PFKFB2: variants seen among roughly 807,000 people sequenced by gnomAD.
The protein encoded by PFKFB2 is 6-phosphofructo-2-kinase/fructose-2,6-biphosphatase 2, also known as 6-phosphofructo-2-kinase/fructose-2,6-bisphosphatase 2.
In PFKFB2, 53 loss-of-function variants were observed where a neutral mutation model predicts 68.0. The observed-to-expected ratio is 0.78, with a 90% confidence interval of 0.63 to 0.98. The LOEUF (loss-of-function observed/expected upper bound fraction) is 0.98, where lower values mean the gene tolerates loss of function less well. PFKFB2 is among the 50% of genes least tolerant of loss of function. The pLI is 0.00. For synonymous variants in PFKFB2, 222 were observed against 227.6 expected (o/e 0.98, Z 0.22); for missense variants, 451 against 642.0 (o/e 0.70, Z 3.22).
chr1:207,077,434 A>C lies in PFKFB2; in HGVS notation c.*5063A>C. The stretch of plus-strand genomic sequence containing the variant: ...CAATGTTTTTGTATCTGAATTGCTT[A>C]TGTACGTTTTTTATTATATTGACCT... On this transcript the variant is annotated 3_prime_UTR_variant, in exon 15 of 15. Transcript: ENST00000367080. 2.0e-6 allele frequency: 2 copies of C among 985,302 alleles called. No homozygotes were observed. The highest frequency in any genetic ancestry group is 2.4e-6 in the Non-Finnish European group (2 of 829,828). The allele number at this position is 985,302 out of a possible 1,614,324, so 61.0% of individuals were successfully genotyped here.
Position 207,065,059 on chromosome 1 carries a change from C to T in PFKFB2, c.531C>T (p.Asp177=). The T allele has an allele frequency of 6.2e-7, 1 of 1,614,042 alleles. No homozygotes were observed. The highest frequency in any genetic ancestry group is 8.5e-7 in the Non-Finnish European group (1 of 1,179,980). Residue 177 remains aspartate, a synonymous_variant, in exon 8 of 15, where the codon GAC becomes GAT. Transcript: ENST00000367080. ...NILEVKVSSP[D]YPERNRENVM... ...AGGAGGTTAAGGTATCAAGCCCTGA[C>T]TATCCTGAAAGGAACAGAGAGAACG...
upstream of PFKFB2, chr1:207,050,637 C>T (rs1301506054): frequency 6.2e-7 from 1 of 1,603,476 alleles, no homozygotes; most frequent in South Asian, 1.1e-5. Context: ...CTCTCTCACG[C>T]CCCTCTCCAT....
chr1:207,068,042 T>C, intron 9 of PFKFB2, 121 bp from the exon 10 acceptor site: 1 of 847,506 alleles, frequency 1.2e-6, no homozygotes, highest in Non-Finnish European at 1.8e-6. Context: ...ACCATGGTTA[T>C]GCACGTTGTC....
At chr1:207,060,090 A>G (rs888943278) in intron 2 of PFKFB2, among the ~76,000 whole-genome samples, 1 of 152,182 alleles carries the variant, frequency 6.6e-6, no homozygotes, top group Admixed American at 6.5e-5. Flanking sequence ...AGTGGCTGGC[A>G]GCAGTTCAGG....
chr1:207,063,489 A>G lies in PFKFB2; in HGVS notation c.450+68A>G. On this transcript the variant is annotated intron_variant, in intron 6 of 14. Transcript: ENST00000367080. This position sits in a 1 kb window ranked among gnomAD's most constrained non-coding sequence, Gnocchi z 4.1. ...GTGGGGAGTCAGGCTACAGGCATGG[A>G]TCTCTCACTCTAGTGGGTGAGGACA... The G allele has an allele frequency of 1.9e-6, 2 of 1,048,112 alleles. No individual in the cohort carries two copies. The highest frequency in any genetic ancestry group is 2.9e-6 in the Non-Finnish European group (2 of 678,084). 64.9% of individuals were successfully genotyped at this position (1,048,112 alleles called of 1,614,324 possible). A position where few individuals can be genotyped will look rare whatever the true frequency, so the allele number is the denominator to read the frequency against.
At position 207,073,599 on chromosome 1, in the gene PFKFB2, G is replaced by C; in HGVS notation, c.*1228G>C. ...ATGATGAATTTAATCTCTCTCATTG[G>C]AGTATTCTTTTGTTCATAAAGAGAA... On this transcript the variant is annotated 3_prime_UTR_variant, in exon 15 of 15. Transcript: ENST00000367080. The C allele has an allele frequency of 3.0e-6, 3 of 985,146 alleles. No homozygotes were observed. Among genetic ancestry groups the C allele is most frequent in the Non-Finnish European group, 3.6e-6 (3 of 829,702 alleles). The allele number at this position is 985,146 out of a possible 1,614,324, so 61.0% of individuals were successfully genotyped here. A position where few individuals can be genotyped will look rare whatever the true frequency, so the allele number is the denominator to read the frequency against.
chr1:207,063,695 G>T lies in PFKFB2; in HGVS notation c.451-78G>T. On this transcript the variant is annotated intron_variant, in intron 6 of 14. Transcript: ENST00000367080. The surrounding 1 kb of genome is among the most constrained non-coding windows in gnomAD (Gnocchi z 4.1). ...ATCCTGGGAGATGTGGTGGCTGGGT[G>T]GGGTAGATGAGCATGTGCTCTTAAT... 1 of 1,159,950 alleles carries T rather than the reference G, an allele frequency of 8.6e-7. No homozygotes were observed. The highest frequency in any genetic ancestry group is 1.3e-6 in the Non-Finnish European group (1 of 766,238). 71.9% of individuals were successfully genotyped at this position (1,159,950 alleles called of 1,614,324 possible).
Position 207,074,623 on chromosome 1 carries a change from G to C in PFKFB2, c.*2252G>C, listed in dbSNP as rs201729561. 7.1e-6 allele frequency: 7 copies of C among 985,378 alleles called. No individual in the cohort carries two copies. In the East Asian group the frequency reaches 7.9e-4, roughly 112 times the overall value. 61.0% of individuals were successfully genotyped at this position (985,378 alleles called of 1,614,324 possible). ...CTCAAAATTGTGTCCAAGATGTTAA[G>C]TAACCTGCTATTCCTGTTTAGTGGT... On this transcript the variant is annotated 3_prime_UTR_variant, in exon 15 of 15. Coordinates refer to ENST00000367080, the MANE Select transcript of PFKFB2 (RefSeq NM_006212.2).
At chr1:207,078,843 A>T, downstream of PFKFB2, 2 of 823,030 alleles carry the variant, frequency 2.4e-6, no homozygotes, top group East Asian at 4.9e-5. Flanking sequence ...GGATGTGGGG[A>T]TGGGGAGGTT....
chr1:207,078,851 G>T (rs1254743148), downstream of PFKFB2: 4 of 926,190 alleles, frequency 4.3e-6, no homozygotes, highest in African/African-American at 3.2e-5. Flanking sequence ...GGATGGGGAG[G>T]TTGAGGGAGG....
upstream of PFKFB2, chr1:207,051,032 G>A (rs1164720952): frequency 1.3e-6 from 2 of 1,498,912 alleles, no homozygotes; most frequent in Admixed American, 4.6e-5. Flanking sequence ...GCCAAACATC[G>A]CGAGAAGTTG....
chr1:207,072,300 A>G lies in PFKFB2; in HGVS notation c.1447A>G (p.Ser483Gly). ...SNTIRRPRNY[S>G]VGSRPLKPLS... Reference sequence around the variant, plus strand: ...TACAATAAGGCGTCCAAGAAATTACAGTGTTGGGAGCCGGCCCCTCAAGCC... The same window carrying G: ...TACAATAAGGCGTCCAAGAAATTACGGTGTTGGGAGCCGGCCCCTCAAGCC... Residue 483 changes from serine to glycine, a missense_variant, in exon 15 of 15, where the codon AGT becomes GGT. Ser to Gly is a moderately conservative substitution (Grantham distance 56). Transcript: ENST00000367080. 2 of 1,614,156 alleles carry G rather than the reference A, an allele frequency of 1.2e-6. No homozygotes were observed. Among genetic ancestry groups the G allele is most frequent in the Non-Finnish European group, 1.7e-6 (2 of 1,180,026 alleles).
intron 1 of PFKFB2, among the ~76,000 whole-genome samples, chr1:207,040,467 G>T (rs1162876175): frequency 6.6e-6 from 1 of 152,152 alleles, no homozygotes; most frequent in African/African-American, 2.4e-5. Flanking sequence ...TAAAAGAGTG[G>T]CAGCTACTAA....
At position 207,072,406 on chromosome 1, in the gene PFKFB2, T is replaced by A. The variant is rs1451057285; in HGVS notation, c.*35T>A. ...CAAGTCAGCATTCCGGTGGTGTAAC[T>A]GTGTGTTTCCCTCCAGCCCTGGCCT... On this transcript the variant is annotated 3_prime_UTR_variant, in exon 15 of 15. Coordinates refer to ENST00000367080, the MANE Select transcript of PFKFB2 (RefSeq NM_006212.2). 1 of 1,601,340 alleles carries A rather than the reference T, an allele frequency of 6.2e-7. No homozygotes were observed. The highest frequency in any genetic ancestry group is 1.7e-5 in the Admixed American group (1 of 58,312).
At chr1:207,051,489 G>T (rs1183576630), upstream of PFKFB2, among the ~76,000 whole-genome samples, 1 of 152,214 alleles carries the variant, frequency 6.6e-6, no homozygotes, top group Non-Finnish European at 1.5e-5. Flanking sequence ...GACTCATTGG[G>T]GTTCCAGGGG....
chr1:207,061,187 AT>A (rs1683104208), intron 2 of PFKFB2, among the ~76,000 whole-genome samples: 2 of 67,608 alleles, frequency 3.0e-5, no homozygotes, highest in African/African-American at 1.1e-4. Flanking sequence ...ATATATATAT[AT>A]ATATATATAT....
chr1:207,075,225 G>A lies in PFKFB2; in HGVS notation c.*2854G>A, dbSNP rs1331308281. 1.0e-6 allele frequency: 1 copy of A among 985,358 alleles called. No individual in the cohort carries two copies. Among genetic ancestry groups the A allele is most frequent in the Non-Finnish European group, 1.2e-6 (1 of 829,966 alleles). 61.0% of individuals were successfully genotyped at this position (985,358 alleles called of 1,614,324 possible). ...ACTGGGATGTTCATTCTGGCTCTCA[G>A]CCTGCTGTTATTTCCCCACTCTCAC... On this transcript the variant is annotated 3_prime_UTR_variant, in exon 15 of 15. Transcript: ENST00000367080.
Position 207,063,192 on chromosome 1 carries a change from G to C in PFKFB2, c.358G>C (p.Glu120Gln), listed in dbSNP as rs747164858. 6.2e-7 allele frequency: 1 copy of C among 1,613,988 alleles called. No individual in the cohort carries two copies. The highest frequency in any genetic ancestry group is 1.1e-5 in the South Asian group (1 of 91,082). ...AGATGTTAAGGCGTATCTCACTGAG[G>C]AGAATGGTCAGATTGCGGTAAGCTT... Reference protein sequence around the residue: ...LEDVKAYLTEENGQIAVFDAT... With the variant: ...LEDVKAYLTEQNGQIAVFDAT... Residue 120 changes from glutamate (E) to glutamine (Q), a missense_variant, in exon 5 of 15, where the codon GAG (glutamate) becomes CAG (glutamine). Glu to Gln is a conservative substitution (Grantham distance 29). Transcript: ENST00000367080. The surrounding 1 kb of genome is among the most constrained non-coding windows in gnomAD (Gnocchi z 4.1).
In PFKFB2 at chr1:207,070,222, G is replaced by T; in HGVS notation, c.1093-58G>T. 1.9e-6 allele frequency: 3 copies of T among 1,604,534 alleles called. No individual in the cohort carries two copies. In the South Asian group the frequency reaches 3.3e-5, roughly 18 times the overall value. On this transcript the variant is annotated intron_variant, in intron 11 of 14. Transcript: ENST00000367080. The surrounding 1 kb of genome is among the most constrained non-coding windows in gnomAD (Gnocchi z 4.2). ...CCTTAGTCTCCAAGGTCCAGCCACT[G>T]ACTTGGCTGCCAGCTTGCACCTGGG...
Sources: gnomAD v4.1 joint callset for allele counts (sites outside exome capture counted in the v4.1 genomes callset) on GRCh38, gnomAD v4.1.1 for gene constraint, Gnocchi (gnomAD v3.1) non-coding constraint, MANE v1.5 for transcripts, NCBI Gene and HGNC (gene_info 2026-07-23, HGNC 2026-07-21) for gene names.